The following SDK1 variants were observed in gnomAD, a reference collection of about 807,000 sequenced individuals.
SDK1 encodes the protein protein sidekick-1.
A neutral mutation model predicts 245.5 loss-of-function variants in SDK1; 157 were observed. The observed-to-expected ratio is 0.64, with a 90% CI of 0.56 to 0.73. The LOEUF (loss-of-function observed/expected upper bound fraction) is 0.73. SDK1 is among the 30% of genes least tolerant of loss of function. SDK1 has a pLI of 0.00. For synonymous variants in SDK1, 1,647 were observed against 1,278.5 expected (o/e 1.29, Z -6.15); for missense variants, 3,583 against 3,002.3 (o/e 1.19, Z -4.52).
At chr7:3,304,913 A>T (rs1435901152) in intron 1 of SDK1, among the ~76,000 whole-genome samples, 1 of 152,140 alleles carries the variant, frequency 6.6e-6, no homozygotes, top group Non-Finnish European at 1.5e-5. Context: ...GGGCATCAGG[A>T]TGCTGAGACA....
At chr7:4,124,742 C>T (rs1474345773) in intron 25 of SDK1, among the ~76,000 whole-genome samples, 1 of 152,232 alleles carries the variant, frequency 6.6e-6, no homozygotes, top group Non-Finnish European at 1.5e-5. Context: ...CACCATGTTA[C>T]TTTCTGTCTT....
chr7:3,777,284 C>G (rs926923484), intron 4 of SDK1, among the ~76,000 whole-genome samples: 2 of 152,196 alleles, frequency 1.3e-5, no homozygotes, highest in Non-Finnish European at 2.9e-5. Context: ...ATGCAGTGCA[C>G]TAATTTGCCC....
chr7:4,166,037 C>T (rs1781477783), intron 32 of SDK1, among the ~76,000 whole-genome samples: 1 of 152,156 alleles, frequency 6.6e-6, no homozygotes, highest in African/African-American at 2.4e-5. Flanking sequence ...GATCCTCCTT[C>T]CTTGACCTCC....
At chr7:4,243,912 C>T (rs1583162927) in intron 43 of SDK1, among the ~76,000 whole-genome samples, 2 of 152,336 alleles carry the variant, frequency 1.3e-5, no homozygotes, top group African/African-American at 4.8e-5. Flanking sequence ...ATGTCTCCCC[C>T]GTGCACGTTT....
intron 20 of SDK1, among the ~76,000 whole-genome samples, chr7:4,072,641 C>G (rs1286277274): frequency 6.6e-6 from 1 of 152,248 alleles, no homozygotes; most frequent in Admixed American, 6.5e-5. Context: ...GTGGGCAAAC[C>G]TGGCTGCCGG....
chr7:3,957,505 A>G (rs912787395), intron 7 of SDK1, among the ~76,000 whole-genome samples: 1 of 152,218 alleles, frequency 6.6e-6, no homozygotes, highest in African/African-American at 2.4e-5. Flanking sequence ...TAAGAAGAGG[A>G]AAACTATAAT....
chr7:3,906,332 G>A (rs1390156945), intron 5 of SDK1, among the ~76,000 whole-genome samples: 3 of 151,990 alleles, frequency 2.0e-5, no homozygotes, highest in Non-Finnish European at 4.4e-5. Context: ...TTCAGGGGTG[G>A]AAATTCTGTT....
chr7:4,130,385 T>C, intron 27 of SDK1: 1 of 426,964 alleles, frequency 2.3e-6, no homozygotes, highest in East Asian at 4.5e-5. Flanking sequence ...GGGGCCGAGC[T>C]GTGGATGTCA....
At chr7:3,886,609 G>A (rs1441289614) in intron 5 of SDK1, among the ~76,000 whole-genome samples, 1 of 152,190 alleles carries the variant, frequency 6.6e-6, no homozygotes, top group Non-Finnish European at 1.5e-5. Context: ...TTTTCCACTT[G>A]ACCCTGCCTC....
chr7:3,467,426 A>G (rs1054854569), intron 1 of SDK1, among the ~76,000 whole-genome samples: 1 of 152,230 alleles, frequency 6.6e-6, no homozygotes, highest in South Asian at 2.1e-4. Flanking sequence ...AAAAATGTAT[A>G]GTATAAAAAT....
chr7:3,835,292 T>A (rs547243323), intron 5 of SDK1, among the ~76,000 whole-genome samples: 6 of 152,322 alleles, frequency 3.9e-5, no homozygotes, highest in African/African-American at 1.2e-4. Flanking sequence ...TATCGACTCA[T>A]GTTTCTTCTG....
intron 44 of SDK1, among the ~76,000 whole-genome samples, chr7:4,260,930 A>G (rs1405731655): frequency 6.6e-6 from 1 of 152,156 alleles, no homozygotes; most frequent in Non-Finnish European, 1.5e-5. Context: ...TACGTCTGCA[A>G]TTCTCCTAAA....
intron 1 of SDK1, among the ~76,000 whole-genome samples, chr7:3,479,861 CA>C (rs200021941): frequency 0.023 from 2,984 of 132,228 alleles, 30 homozygotes; most frequent in Non-Finnish European, 0.031. Context: ...GAGTCCATCT[CA>C]AAAAAAAAAA....
intron 20 of SDK1, among the ~76,000 whole-genome samples, chr7:4,070,709 A>AT (rs1391195901): frequency 6.7e-6 from 1 of 149,460 alleles, no homozygotes; most frequent in Non-Finnish European, 1.5e-5. Flanking sequence ...CCACCTCTCA[A>AT]ATTTTTTTTT....
At chr7:3,556,708 G>T (rs1038338062) in intron 1 of SDK1, among the ~76,000 whole-genome samples, 1 of 152,068 alleles carries the variant, frequency 6.6e-6, no homozygotes, top group Non-Finnish European at 1.5e-5. Flanking sequence ...TGTAATCCCA[G>T]CTACTCTGGA....
At chr7:4,136,303 G>T (rs1031117895) in intron 28 of SDK1, among the ~76,000 whole-genome samples, 5 of 152,186 alleles carry the variant, frequency 3.3e-5, no homozygotes, top group Non-Finnish European at 1.5e-5. Context: ...AAGACAGGAA[G>T]ACAATTCCTG....
intron 1 of SDK1, among the ~76,000 whole-genome samples, chr7:3,415,570 A>G (rs746699313): frequency 3.3e-5 from 5 of 152,050 alleles, no homozygotes; most frequent in Non-Finnish European, 7.4e-5. Context: ...TTGCTCATAG[A>G]TGGAAATGCC....
intron 43 of SDK1, among the ~76,000 whole-genome samples, chr7:4,242,178 A>G (rs1318450663): frequency 6.6e-6 from 1 of 152,136 alleles, no homozygotes; most frequent in Non-Finnish European, 1.5e-5. Context: ...GGCCTGGAAC[A>G]CCCAGGGGCT....
At chr7:3,770,280 A>G (rs547664068) in intron 4 of SDK1, among the ~76,000 whole-genome samples, 6 of 152,274 alleles carry the variant, frequency 3.9e-5, no homozygotes, top group African/African-American at 1.4e-4. Flanking sequence ...ACAAATGGCT[A>G]TACGTATTAA....
Sources: allele counts gnomAD v4.1 joint callset (sites outside exome capture counted in the v4.1 genomes callset), GRCh38; gene constraint gnomAD v4.1.1; transcripts MANE v1.5; gene names NCBI Gene and HGNC (gene_info 2026-07-23, HGNC 2026-07-21).